The following PRKCA variants were observed in gnomAD, a reference collection of about 807,000 sequenced individuals.
PRKCA encodes protein kinase C alpha, also known as protein kinase C alpha type.
In PRKCA, 27 loss-of-function variants were observed where a neutral mutation model predicts 87.0. That is an observed-to-expected ratio of 0.31 (90% CI 0.23 to 0.43). PRKCA has a LOEUF of 0.43. Ranked by LOEUF, PRKCA falls within the 20% of genes least tolerant of loss-of-function variation. The probability of loss-of-function intolerance (pLI) is 1.00; values close to 1 mark genes in which losing one functional copy is unlikely to be tolerated. For missense variants in PRKCA, 518 were observed against 852.3 expected (o/e 0.61, Z 4.88); for synonymous variants, 329 against 311.1 (o/e 1.06, Z -0.61).
intron 3 of PRKCA, among the ~76,000 whole-genome samples, chr17:66,576,658 T>A (rs1341070846): frequency 6.6e-6 from 1 of 152,182 alleles, no homozygotes; most frequent in Non-Finnish European, 1.5e-5. Flanking sequence ...TTTCACTTTA[T>A]TTGATGGTTC....
intron 3 of PRKCA, among the ~76,000 whole-genome samples, chr17:66,624,688 G>A (rs1003145645): frequency 6.6e-6 from 1 of 151,996 alleles, no homozygotes; most frequent in Non-Finnish European, 1.5e-5. Context: ...TGTAATCCCA[G>A]CTACTCTGGA....
chr17:66,802,212 C>T (rs1975916927), intron 16 of PRKCA, among the ~76,000 whole-genome samples: 1 of 151,552 alleles, frequency 6.6e-6, no homozygotes, highest in African/African-American at 2.4e-5. Context: ...AGAGTGAGAC[C>T]CTGTCTCAAA....
intron 3 of PRKCA, among the ~76,000 whole-genome samples, chr17:66,619,719 G>C (rs1489857655): frequency 2.0e-5 from 3 of 152,136 alleles, no homozygotes; most frequent in Admixed American, 2.0e-4. Context: ...CCGTCTCAGT[G>C]TCTCAAGGAA....
intron 3 of PRKCA, among the ~76,000 whole-genome samples, chr17:66,513,888 T>C (rs56011218): frequency 0.19 from 28,661 of 152,180 alleles, 3,035 homozygotes; most frequent in South Asian, 0.26. Context: ...AATTGATTTT[T>C]AAGGTGATTT....
At chr17:66,655,000 T>C (rs995383851) in intron 5 of PRKCA, among the ~76,000 whole-genome samples, 1 of 152,262 alleles carries the variant, frequency 6.6e-6, no homozygotes, top group African/African-American at 2.4e-5. Context: ...AGACTCATCC[T>C]GCTCTCACGT....
chr17:66,406,346 C>G (rs1297325820), intron 2 of PRKCA, among the ~76,000 whole-genome samples: 1 of 152,118 alleles, frequency 6.6e-6, no homozygotes, highest in Non-Finnish European at 1.5e-5. Flanking sequence ...ATTGGATGCT[C>G]TTAAAGTTCT....
chr17:66,302,886 C>T lies in PRKCA; in HGVS notation c.35C>T (p.Ala12Val). Residue 12 changes from alanine (A) to valine (V), a missense_variant, in exon 1 of 17, where the codon GCG (alanine) becomes GTG (valine). Physicochemically the swap from Ala to Val is moderately conservative, Grantham distance 64 (BLOSUM62 0). Transcript: ENST00000413366. ...GTTTTCCCGGGCAACGACTCCACGG[C>T]GTCTCAGGACGTGGCCAACCGCTTC... ...ADVFPGNDST[A>V]SQDVANRFAR... 1 of 1,603,574 alleles carries T rather than the reference C, an allele frequency of 6.2e-7. No homozygotes were observed. Among genetic ancestry groups the T allele is most frequent in the Non-Finnish European group, 8.5e-7 (1 of 1,174,654 alleles).
At chr17:66,535,308 A>G (rs1336531614) in intron 3 of PRKCA, among the ~76,000 whole-genome samples, 1 of 152,196 alleles carries the variant, frequency 6.6e-6, no homozygotes, top group Admixed American at 6.5e-5. Context: ...CTTCCTTAAG[A>G]TCTTTTTGAG....
At chr17:66,410,172 ATC>A (rs1249711093) in intron 2 of PRKCA, among the ~76,000 whole-genome samples, 3 of 151,374 alleles carry the variant, frequency 2.0e-5, no homozygotes, top group Non-Finnish European at 4.4e-5. Flanking sequence ...TACCTTGGGA[ATC>A]TCTCTTTAAT....
At chr17:66,670,232 A>T (rs915897520) in intron 5 of PRKCA, among the ~76,000 whole-genome samples, 3 of 152,250 alleles carry the variant, frequency 2.0e-5, no homozygotes. Flanking sequence ...TAAAATTAAA[A>T]GTTCAGGGAT....
chr17:66,721,026 C>T (rs2144159670), intron 8 of PRKCA, among the ~76,000 whole-genome samples: 1 of 152,192 alleles, frequency 6.6e-6, no homozygotes, highest in Non-Finnish European at 1.5e-5. Flanking sequence ...AGAGAGAGTT[C>T]TTGAATTTCA....
At chr17:66,306,217 A>G (rs1358634095) in intron 2 of PRKCA, 90 bp downstream of exon 2, 4 of 1,363,368 alleles carry the variant, frequency 2.9e-6, no homozygotes, top group East Asian at 2.3e-5. Flanking sequence ...TTTTCTTTCC[A>G]ATAAAAAAAT....
intron 2 of PRKCA, among the ~76,000 whole-genome samples, chr17:66,495,929 C>T (rs1043061749): frequency 3.3e-5 from 5 of 152,118 alleles, no homozygotes; most frequent in Non-Finnish European, 5.9e-5. Context: ...AACTGTCTTA[C>T]AATCTGATTC....
At chr17:66,754,957 G>C (rs1015323408) in intron 13 of PRKCA, among the ~76,000 whole-genome samples, 1 of 152,112 alleles carries the variant, frequency 6.6e-6, no homozygotes, top group Non-Finnish European at 1.5e-5. Context: ...GTCACACTGG[G>C]GGTTAGGGCT....
chr17:66,311,966 A>G lies in PRKCA; in HGVS notation c.205+5839A>G, dbSNP rs1427697967. 2.6e-5 allele frequency among the ~76,000 whole-genome samples: 4 copies of G among 152,012 alleles called. No homozygotes were observed. In the East Asian group the frequency reaches 7.7e-4, roughly 29 times the overall value. On this transcript the variant is annotated intron_variant, in intron 2 of 16. Coordinates refer to ENST00000413366, the MANE Select transcript of PRKCA (RefSeq NM_002737.3). ...CTTTTGCAGATAAATCTGATGTTTG[A>G]GTTTCCTTTTCTTTATATTATTTTA...
chr17:66,476,603 C>T (rs2144034609), intron 2 of PRKCA, among the ~76,000 whole-genome samples: 1 of 152,294 alleles, frequency 6.6e-6, no homozygotes, highest in Middle Eastern at 3.4e-3. Flanking sequence ...CATTGGATTT[C>T]TTTGTATGTT....
chr17:66,810,648 G>A lies in PRKCA; in HGVS notation c.*6611G>A, dbSNP rs1465043329. Reference sequence around the variant, plus strand: ...ACTGCATTGCTTTTTTTTTCAGTTTGTATAACCTCTAATCTCCGTTTGCAT... The same window carrying A: ...ACTGCATTGCTTTTTTTTTCAGTTTATATAACCTCTAATCTCCGTTTGCAT... On this transcript the variant is annotated 3_prime_UTR_variant, in exon 17 of 17. Transcript: ENST00000413366. The A allele has an allele frequency of 1.3e-5, 2 of 151,730 alleles. No homozygotes were observed. The highest frequency in any genetic ancestry group is 1.3e-4 in the Admixed American group (2 of 15,220). The allele number at this position is 151,730 out of a possible 1,614,324, so 9.4% of individuals were successfully genotyped here.
intron 3 of PRKCA, among the ~76,000 whole-genome samples, chr17:66,636,937 G>C (rs1325932032): frequency 6.6e-6 from 1 of 152,154 alleles, no homozygotes; most frequent in Non-Finnish European, 1.5e-5. Flanking sequence ...GTGCACAATT[G>C]CTGATCAACA....
chr17:66,644,574 G>A (rs1971401128), intron 4 of PRKCA, among the ~76,000 whole-genome samples: 1 of 152,114 alleles, frequency 6.6e-6, no homozygotes, highest in Non-Finnish European at 1.5e-5. Flanking sequence ...CATAATGTCA[G>A]CTGTAAGGAA....
Sources: gnomAD v4.1 joint callset for allele counts (sites outside exome capture counted in the v4.1 genomes callset) on GRCh38, gnomAD v4.1.1 for gene constraint, MANE v1.5 for transcripts, NCBI Gene and HGNC (gene_info 2026-07-23, HGNC 2026-07-21) for gene names.